Variants in METTL15 observed in about 807,000 individuals in gnomAD.
METTL15 encodes the protein 12S rRNA N(4)-cytidine methyltransferase METTL15.
In METTL15, 34 loss-of-function variants were observed where a neutral mutation model predicts 38.3. The ratio of observed to expected loss-of-function variants is 0.89; its 90% confidence interval spans 0.68 to 1.18. METTL15 has a LOEUF of 1.18. Ranked by LOEUF, METTL15 falls within the 50% of genes most tolerant of loss-of-function variation. METTL15 has a pLI of 0.00. For missense variants in METTL15, 438 were observed against 498.4 expected, an observed-to-expected ratio of 0.88 and a Z score of 1.15; for synonymous variants, 162 against 170.9, an observed-to-expected ratio of 0.95 and a Z score of 0.41.
At chr11:28,291,177 G>T (rs1477928837) in intron 5 of METTL15, among the ~76,000 whole-genome samples, 1 of 151,356 alleles carries the variant, frequency 6.6e-6, no homozygotes, top group East Asian at 2.0e-4. Context: ...CTCCTGAGTA[G>T]CTGGGATTGC....
intron 5 of METTL15, among the ~76,000 whole-genome samples, chr11:28,397,983 C>G (rs1011346970): frequency 6.6e-6 from 1 of 151,746 alleles, no homozygotes; most frequent in Non-Finnish European, 1.5e-5. Flanking sequence ...CAAACTATCA[C>G]AAGGACAAAA....
rs1565244277 is a variant in METTL15 at position 28,310,917 on chromosome 11, G to GCTGCTGC, written c.778+13986_778+13987insCTGCTGC. Among the ~76,000 whole-genome samples, 164 of 55,270 alleles carry GCTGCTGC rather than the reference G, an allele frequency of 3.0e-3. 1 individual carries two copies. The highest frequency in any genetic ancestry group is 7.5e-3 in the African/African-American group (108 of 14,428). 36.3% of individuals were successfully genotyped at this position (55,270 alleles called of 152,430 possible). A position where few individuals can be genotyped will look rare whatever the true frequency, so the allele number is the denominator to read the frequency against. ...GCTGCTGCTGCTGCTGCTGCTGCTG[G>GCTGCTGC]TGGTGGTGGTGGTGGTGGTGGTGGT... is the stretch of plus-strand genomic sequence containing the variant. On this transcript the variant is annotated intron_variant, in intron 6 of 6. Coordinates refer to ENST00000407364, the MANE Select transcript of METTL15 (RefSeq NM_001113528.2).
At chr11:28,111,743 T>C (rs1851727271) in intron 2 of METTL15, among the ~76,000 whole-genome samples, 1 of 152,196 alleles carries the variant, frequency 6.6e-6, no homozygotes, top group Admixed American at 6.5e-5. Context: ...GTGGTAAGGA[T>C]TGAATGAGGT....
intron 6 of METTL15, among the ~76,000 whole-genome samples, chr11:28,481,801 G>A (rs553857389): frequency 9.9e-5 from 15 of 152,154 alleles, no homozygotes; most frequent in South Asian, 4.1e-4. Flanking sequence ...AGTGCAGCCC[G>A]CTGGGCTCAA....
chr11:28,381,213 G>A (rs1204320870), intron 5 of METTL15, among the ~76,000 whole-genome samples: 2 of 151,978 alleles, frequency 1.3e-5, no homozygotes, highest in African/African-American at 2.4e-5. Flanking sequence ...TGGCCAGGTT[G>A]GTCTTGAACT....
chr11:28,154,470 G>A (rs1850196921), intron 3 of METTL15, among the ~76,000 whole-genome samples: 1 of 152,010 alleles, frequency 6.6e-6, no homozygotes, highest in South Asian at 2.1e-4. Flanking sequence ...ATAAGCTCTA[G>A]TTTACCTTCT....
downstream of METTL15, among the ~76,000 whole-genome samples, chr11:28,334,618 T>C (rs1411462061): frequency 6.6e-6 from 1 of 152,130 alleles, no homozygotes; most frequent in Non-Finnish European, 1.5e-5. Context: ...AAATCAACCC[T>C]ATATTCTAAA....
At chr11:28,518,600 G>A (rs1429437362) in intron 6 of METTL15, among the ~76,000 whole-genome samples, 3 of 152,162 alleles carry the variant, frequency 2.0e-5, no homozygotes, top group Non-Finnish European at 2.9e-5. Context: ...TTGCCTAGGG[G>A]TTAGCCATGT....
chr11:28,403,163 AATTCTCCAGTGG>A (rs1850644567), intron 5 of METTL15, among the ~76,000 whole-genome samples: 1 of 151,962 alleles, frequency 6.6e-6, no homozygotes, highest in Admixed American at 6.6e-5. Context: ...CATACCAAGC[AATTCTCCAGTGG>A]ATTCTCCAGT....
intron 6 of METTL15, chr11:28,327,989 TA>T (rs1164524529): frequency 2.5e-6 from 3 of 1,223,244 alleles, no homozygotes; most frequent in East Asian, 2.7e-5. Flanking sequence ...AAGAAATTTT[TA>T]AAAAAATTAT....
chr11:28,250,022 G>C (rs1372062130), intron 4 of METTL15, among the ~76,000 whole-genome samples: 1 of 151,970 alleles, frequency 6.6e-6, no homozygotes, highest in Non-Finnish European at 1.5e-5. Flanking sequence ...ATGACCTCCA[G>C]CTCCATCCAT....
At chr11:28,271,522 C>T (rs745594240) in intron 4 of METTL15, among the ~76,000 whole-genome samples, 34 of 151,540 alleles carry the variant, frequency 2.2e-4, no homozygotes, top group Non-Finnish European at 4.4e-4. Flanking sequence ...CCTAACGATC[C>T]ACACTGGTGA....
chr11:28,264,350 T>G (rs888739891), intron 4 of METTL15, among the ~76,000 whole-genome samples: 14 of 152,130 alleles, frequency 9.2e-5, no homozygotes, highest in Admixed American at 2.0e-4. Context: ...TATGAGAAAT[T>G]TCTGTGCTTT....
chr11:28,385,733 G>C (rs956960981), intron 5 of METTL15, among the ~76,000 whole-genome samples: 1 of 152,076 alleles, frequency 6.6e-6, no homozygotes, highest in African/African-American at 2.4e-5. Flanking sequence ...TGTTCAGGCA[G>C]TATGGCCATT....
chr11:28,220,262 A>G (rs998450232), intron 4 of METTL15, among the ~76,000 whole-genome samples: 2 of 152,146 alleles, frequency 1.3e-5, no homozygotes, highest in Non-Finnish European at 2.9e-5. Context: ...GGGTGCATAT[A>G]TATTTAGGAT....
At chr11:28,223,709 A>G (rs750817027) in intron 4 of METTL15, among the ~76,000 whole-genome samples, 48 of 152,280 alleles carry the variant, frequency 3.2e-4, no homozygotes, top group Non-Finnish European at 5.6e-4. Context: ...ATTCATGGGA[A>G]GGCTGAGTTT....
chr11:28,426,213 C>G (rs1033797307), intron 6 of METTL15, among the ~76,000 whole-genome samples: 12 of 152,222 alleles, frequency 7.9e-5, no homozygotes, highest in African/African-American at 2.4e-4. Context: ...GTTTTCTGTC[C>G]CTGTGTTAAT....
chr11:28,432,407 G>A (rs1564930080), intron 6 of METTL15, among the ~76,000 whole-genome samples: 1 of 152,244 alleles, frequency 6.6e-6, no homozygotes, highest in Admixed American at 6.5e-5. Flanking sequence ...ATTGGAAATG[G>A]CCATTCATGT....
intron 3 of METTL15, among the ~76,000 whole-genome samples, chr11:28,194,178 C>CTTTCTTTCTT (rs1373046857): frequency 1.6e-3 from 19 of 12,194 alleles, no homozygotes; most frequent in South Asian, 5.1e-3. Context: ...CTTTCTTTTT[C>CTTTCTTTCTT]TCTCTCTCTC....
Sources: allele counts gnomAD v4.1 joint callset (sites outside exome capture counted in the v4.1 genomes callset), GRCh38; gene constraint gnomAD v4.1.1; transcripts MANE v1.5; gene names NCBI Gene and HGNC (gene_info 2026-07-23, HGNC 2026-07-21).